RPS6KA3: variants seen among roughly 807,000 people sequenced by gnomAD.
RPS6KA3 encodes ribosomal protein S6 kinase A3.
A neutral mutation model predicts 67.2 loss-of-function variants in RPS6KA3; 4 were observed. That is an observed-to-expected ratio of 0.06 (90% confidence interval 0.03 to 0.14). The LOEUF (loss-of-function observed/expected upper bound fraction) is 0.14, where lower values mean the gene tolerates loss of function less well. Among genes scored for constraint, RPS6KA3 ranks in the 10% least tolerant of loss-of-function variants. RPS6KA3 has a pLI of 1.00. For missense variants in RPS6KA3, 204 were observed against 559.0 expected (o/e 0.36, Z 6.40); for synonymous variants, 182 against 183.7 (o/e 0.99, Z 0.07).
chrX:20,163,174 C>T lies in RPS6KA3; in HGVS notation c.1765-134G>A, dbSNP rs1354533954. On this transcript the variant is annotated intron_variant, in intron 18 of 21. Coordinates refer to ENST00000379565, the MANE Select transcript of RPS6KA3 (RefSeq NM_004586.3). ...AACAGAACATGGTTACCAAATAAGG[C>T]AATACGTTAATCCGATTCTAGAACA... is the stretch of plus-strand genomic sequence containing the variant. The T allele has an allele frequency of 1.6e-5, 8 of 486,033 alleles. No individual in the cohort carries two copies. The Admixed American group carries it at 1.8e-4, about 11-fold the overall frequency. 40.1% of individuals were successfully genotyped at this position (486,033 alleles called of 1,213,427 possible).
At chrX:20,209,539 C>T (rs765894577) in intron 2 of RPS6KA3, 135 bp from the exon 3 acceptor site, 35 of 455,938 alleles carry the variant, frequency 7.7e-5, no homozygotes, top group African/African-American at 4.9e-4. Flanking sequence ...TATTAGAAAT[C>T]CCAAATTAAC....
At chrX:20,248,639 T>C (rs966483497) in intron 1 of RPS6KA3, among the ~76,000 whole-genome samples, 3 of 111,508 alleles carry the variant, frequency 2.7e-5, no homozygotes, top group African/African-American at 9.8e-5. Flanking sequence ...CCCTCCACCA[T>C]GCCCAGCTAA....
chrX:20,226,808 A>G (rs1049519103), intron 2 of RPS6KA3, among the ~76,000 whole-genome samples: 1 of 111,275 alleles, frequency 9.0e-6, no homozygotes, highest in East Asian at 2.8e-4. Flanking sequence ...ACCTTATAAT[A>G]CTTTCTCTTG....
intron 20 of RPS6KA3, 145 bp from the exon 21 acceptor site, chrX:20,156,394 G>A: frequency 3.2e-6 from 2 of 621,581 alleles, no homozygotes; most frequent in Non-Finnish European, 5.1e-6. Flanking sequence ...TAATTTGGGG[G>A]AAAAAAAATC....
Position 20,241,737 on chromosome X carries a change from C to T in RPS6KA3, c.70-6923G>A, listed in dbSNP as rs183052773. 4 of 111,026 alleles carry T rather than the reference C, an allele frequency of 3.6e-5. No homozygotes were observed. The Admixed American group carries it at 3.8e-4, about 11-fold the overall frequency. 9.1% of individuals were successfully genotyped at this position (111,026 alleles called of 1,213,427 possible). A position where few individuals can be genotyped will look rare whatever the true frequency, so the allele number is the denominator to read the frequency against. On this transcript the variant is annotated intron_variant, in intron 1 of 21. Coordinates refer to ENST00000379565, the MANE Select transcript of RPS6KA3 (RefSeq NM_004586.3). The stretch of plus-strand genomic sequence containing the variant: ...TAGGTTATTTCAAAGGAACTGAAAT[C>T]AGACTGACCTCAGATTTCTCCTCTG...
chrX:20,212,778 A>C (rs962382241), intron 2 of RPS6KA3, among the ~76,000 whole-genome samples: 1 of 111,215 alleles, frequency 9.0e-6, no homozygotes, highest in African/African-American at 3.3e-5. Flanking sequence ...TGGTCCCTTC[A>C]GTATAACAAC....
At chrX:20,179,060 A>C (rs1454004250) in intron 10 of RPS6KA3, among the ~76,000 whole-genome samples, 1 of 111,221 alleles carries the variant, frequency 9.0e-6, no homozygotes, top group Non-Finnish European at 1.9e-5. Flanking sequence ...GAATACTTTA[A>C]GCAGTTTAAT....
At chrX:20,225,237 T>TG (rs1276177369) in intron 2 of RPS6KA3, among the ~76,000 whole-genome samples, 1 of 92,457 alleles carries the variant, frequency 1.1e-5, no homozygotes, top group African/African-American at 4.3e-5. Flanking sequence ...GAGGTTTTTT[T>TG]TTTTTGTTTT....
chrX:20,187,788 A>T, intron 9 of RPS6KA3, 40 bp downstream of exon 9: 1 of 970,303 alleles, frequency 1.0e-6, no homozygotes, highest in Non-Finnish European at 1.5e-6. Flanking sequence ...TCACTTAACA[A>T]TCTCCTTCCC....
At chrX:20,241,494 A>G (rs1259591288) in intron 1 of RPS6KA3, 5 of 108,642 alleles carry the variant, frequency 4.6e-5, no homozygotes, top group Non-Finnish European at 9.6e-5. Context: ...AGACATAGAA[A>G]TAATCTATGA....
At chrX:20,246,586 T>C (rs112969086) in intron 1 of RPS6KA3, among the ~76,000 whole-genome samples, 4 of 111,630 alleles carry the variant, frequency 3.6e-5, no homozygotes, top group East Asian at 2.8e-4. Flanking sequence ...CTACCCAAAA[T>C]AGATACACCA....
At chrX:20,205,544 G>T (rs1403081576) in intron 3 of RPS6KA3, among the ~76,000 whole-genome samples, 1 of 112,158 alleles carries the variant, frequency 8.9e-6, no homozygotes, top group East Asian at 2.8e-4. Context: ...CTGATACAGG[G>T]TGTGTTGCTC....
chrX:20,199,287 G>A (rs2068359721), intron 4 of RPS6KA3, among the ~76,000 whole-genome samples: 1 of 112,145 alleles, frequency 8.9e-6, no homozygotes, highest in African/African-American at 3.2e-5. Flanking sequence ...AAAAAAGGTT[G>A]GCCATGAGTT....
chrX:20,236,446 C>A (rs1056152733), intron 1 of RPS6KA3, among the ~76,000 whole-genome samples: 1 of 111,678 alleles, frequency 9.0e-6, no homozygotes, highest in Non-Finnish European at 1.9e-5. Flanking sequence ...CACCTATCAC[C>A]TCATACTTCA....
chrX:20,209,793 T>C (rs1317886734), intron 2 of RPS6KA3, among the ~76,000 whole-genome samples: 6 of 112,159 alleles, frequency 5.3e-5, no homozygotes, highest in Non-Finnish European at 9.4e-5. Flanking sequence ...AATAATCTGC[T>C]GTGCTCTGGT....
intron 2 of RPS6KA3, among the ~76,000 whole-genome samples, chrX:20,223,485 C>T (rs996618538): frequency 7.2e-5 from 8 of 111,618 alleles, no homozygotes; most frequent in Non-Finnish European, 1.5e-4. Flanking sequence ...CTCTCCCTTC[C>T]CAAATTTAGA....
intron 6 of RPS6KA3, 23 bp from the exon 7 acceptor site, chrX:20,193,616 C>T: frequency 3.0e-6 from 3 of 997,110 alleles, no homozygotes; most frequent in Non-Finnish European, 4.2e-6. Flanking sequence ...AATAATTTTT[C>T]TAAATTTATT....
chrX:20,160,017 T>C (rs1311046160), intron 20 of RPS6KA3, among the ~76,000 whole-genome samples: 1 of 112,118 alleles, frequency 8.9e-6, no homozygotes, highest in African/African-American at 3.2e-5. Flanking sequence ...GCTATTCTCA[T>C]GCTATCATCA....
Position 20,152,841 on chromosome X carries a change from T to C in RPS6KA3, c.*2557A>G, listed in dbSNP as rs1273284365. 1 of 111,969 alleles carries C rather than the reference T, an allele frequency of 8.9e-6. No individual in the cohort carries two copies. The highest frequency in any genetic ancestry group is 1.9e-5 in the Non-Finnish European group (1 of 53,242). The allele number at this position is 111,969 out of a possible 1,213,427, so 9.2% of individuals were successfully genotyped here. The stretch of plus-strand genomic sequence containing the variant: ...CAATTATCTTCGAAAGAAATAAAAG[T>C]TGGCATCACATACCAGTAGAGGACT... On this transcript the variant is annotated 3_prime_UTR_variant, in exon 22 of 22. Transcript: ENST00000379565.
Sources: allele counts gnomAD v4.1 joint callset (sites outside exome capture counted in the v4.1 genomes callset), GRCh38; gene constraint gnomAD v4.1.1; transcripts MANE v1.5; gene names NCBI Gene and HGNC (gene_info 2026-07-23, HGNC 2026-07-21).